Variants in SDK1 observed in about 807,000 individuals in gnomAD.
SDK1 encodes protein sidekick-1.
In SDK1, 157 loss-of-function variants were observed where a neutral mutation model predicts 245.5. That is an observed-to-expected ratio of 0.64 (90% CI 0.56 to 0.73). The LOEUF is 0.73. SDK1 is among the 30% of genes least tolerant of loss of function. The pLI is 0.00. For synonymous variants in SDK1, 1,647 were observed against 1,278.5 expected, an observed-to-expected ratio of 1.29 and a Z score of -6.15; for missense variants, 3,583 against 3,002.3, an observed-to-expected ratio of 1.19 and a Z score of -4.52.
At chr7:3,676,296 C>T (rs769481431) in intron 4 of SDK1, among the ~76,000 whole-genome samples, 26 of 150,142 alleles carry the variant, frequency 1.7e-4, no homozygotes, top group Non-Finnish European at 3.0e-4. Context: ...TGGAATTACA[C>T]GTACCACACC....
At chr7:3,843,055 A>G (rs1253083490) in intron 5 of SDK1, among the ~76,000 whole-genome samples, 1 of 152,130 alleles carries the variant, frequency 6.6e-6, no homozygotes, top group Non-Finnish European at 1.5e-5. Flanking sequence ...ATGTGTAATG[A>G]AGAGCCTGTG....
At chr7:3,820,081 G>C (rs1027051702) in intron 4 of SDK1, among the ~76,000 whole-genome samples, 3 of 152,082 alleles carry the variant, frequency 2.0e-5, no homozygotes, top group Non-Finnish European at 4.4e-5. Context: ...ATGATATTTT[G>C]GTGCTCAGAA....
chr7:3,940,868 C>T (rs925659961), intron 5 of SDK1, among the ~76,000 whole-genome samples: 6 of 152,082 alleles, frequency 3.9e-5, no homozygotes, highest in South Asian at 2.1e-4. Flanking sequence ...GGCTTCTCTG[C>T]AGGCCATCTC....
intron 44 of SDK1, among the ~76,000 whole-genome samples, chr7:4,261,038 C>T (rs1248142516): frequency 3.3e-5 from 5 of 152,250 alleles, no homozygotes; most frequent in East Asian, 3.9e-4. Context: ...ATCTGTGACT[C>T]GCTGTTAGTT....
At chr7:4,171,004 G>A (rs897741933) in intron 32 of SDK1, among the ~76,000 whole-genome samples, 1 of 152,228 alleles carries the variant, frequency 6.6e-6, no homozygotes, top group African/African-American at 2.4e-5. Flanking sequence ...GACTGTGCCT[G>A]TAATTCTCAC....
intron 1 of SDK1, among the ~76,000 whole-genome samples, chr7:3,561,736 G>C (rs918149490): frequency 9.9e-5 from 15 of 152,160 alleles, no homozygotes; most frequent in African/African-American, 3.1e-4. Context: ...TTAAAGGCCA[G>C]GCTACAAAGA....
intron 13 of SDK1, among the ~76,000 whole-genome samples, chr7:3,979,743 G>A (rs1279868754): frequency 6.6e-6 from 1 of 152,196 alleles, no homozygotes; most frequent in African/African-American, 2.4e-5. Flanking sequence ...GTGCCATGGG[G>A]ACAGGAGCCA....
intron 5 of SDK1, among the ~76,000 whole-genome samples, chr7:3,821,931 G>A (rs1779657100): frequency 6.6e-6 from 1 of 152,118 alleles, no homozygotes; most frequent in African/African-American, 2.4e-5. Flanking sequence ...ATCAGGACTA[G>A]ATTAGATATA....
chr7:3,572,336 G>C (rs1390336515), intron 1 of SDK1, among the ~76,000 whole-genome samples: 1 of 152,008 alleles, frequency 6.6e-6, no homozygotes, highest in Non-Finnish European at 1.5e-5. Flanking sequence ...AAACGCCTCA[G>C]TGAAGATGGA....
chr7:3,359,998 T>TA (rs1780910486), intron 1 of SDK1, among the ~76,000 whole-genome samples: 1 of 152,192 alleles, frequency 6.6e-6, no homozygotes, highest in South Asian at 2.1e-4. Flanking sequence ...AGCAAAATAT[T>TA]ACAACACTTT....
intron 1 of SDK1, among the ~76,000 whole-genome samples, chr7:3,445,241 G>T (rs1262806450): frequency 6.6e-6 from 1 of 152,058 alleles, no homozygotes; most frequent in Non-Finnish European, 1.5e-5. Flanking sequence ...GGTTTCAGCT[G>T]ATAAAACTTA....
At chr7:3,893,676 A>C (rs1781518578) in intron 5 of SDK1, among the ~76,000 whole-genome samples, 1 of 150,952 alleles carries the variant, frequency 6.6e-6, no homozygotes, top group Admixed American at 6.7e-5. Flanking sequence ...AGGGCATTCG[A>C]GTTCATTATC....
intron 5 of SDK1, among the ~76,000 whole-genome samples, chr7:3,831,547 C>T (rs1474059529): frequency 3.3e-5 from 5 of 152,054 alleles, no homozygotes; most frequent in Admixed American, 2.6e-4. Flanking sequence ...AAAGGGAGCA[C>T]CTAGAGTGGT....
At chr7:4,166,252 C>G (rs1180241845) in intron 32 of SDK1, among the ~76,000 whole-genome samples, 3 of 152,252 alleles carry the variant, frequency 2.0e-5, no homozygotes, top group Non-Finnish European at 4.4e-5. Context: ...CATCTTGGGG[C>G]TGTTTCTTTT....
At chr7:3,771,262 G>A (rs369901879) in intron 4 of SDK1, among the ~76,000 whole-genome samples, 4 of 152,178 alleles carry the variant, frequency 2.6e-5, no homozygotes, top group South Asian at 4.2e-4. Context: ...AAGTGCACAA[G>A]CCCTCTTGGA....
intron 4 of SDK1, among the ~76,000 whole-genome samples, chr7:3,795,771 A>G (rs1400625501): frequency 6.6e-6 from 1 of 152,228 alleles, no homozygotes; most frequent in African/African-American, 2.4e-5. Flanking sequence ...TTATACAGTT[A>G]TACGATAAAG....
intron 4 of SDK1, among the ~76,000 whole-genome samples, chr7:3,737,383 A>C (rs1347259043): frequency 6.6e-6 from 1 of 152,144 alleles, no homozygotes; most frequent in African/African-American, 2.4e-5. Flanking sequence ...GGGGGCGTCC[A>C]CTGTGTTCCA....
At chr7:3,960,589 C>A (rs964707262) in intron 8 of SDK1, among the ~76,000 whole-genome samples, 1 of 152,226 alleles carries the variant, frequency 6.6e-6, no homozygotes, top group Non-Finnish European at 1.5e-5. Context: ...CAGACCCCCT[C>A]CCGACCCACC....
intron 4 of SDK1, among the ~76,000 whole-genome samples, chr7:3,716,068 A>G (rs1243784072): frequency 2.0e-5 from 3 of 152,024 alleles, no homozygotes; most frequent in Admixed American, 6.5e-5. Context: ...ATATGAGGAT[A>G]GATCAATAGA....
Sources: gnomAD v4.1 joint callset for allele counts (sites outside exome capture counted in the v4.1 genomes callset) on GRCh38, gnomAD v4.1.1 for gene constraint, MANE v1.5 for transcripts, NCBI Gene and HGNC (gene_info 2026-07-23, HGNC 2026-07-21) for gene names.